CDK14: variants seen among roughly 807,000 people sequenced by gnomAD.
The protein encoded by CDK14 is cyclin-dependent kinase 14.
A neutral mutation model predicts 60.7 loss-of-function variants in CDK14; 34 were observed. That is an observed-to-expected ratio of 0.56 (90% CI 0.43 to 0.75). CDK14 has a LOEUF of 0.75. Among genes scored for constraint, CDK14 ranks in the 30% least tolerant of loss-of-function variants. The pLI, the probability that CDK14 is intolerant of heterozygous loss-of-function variation, is 0.00. For synonymous variants in CDK14, 197 were observed against 203.7 expected (o/e 0.97, Z 0.28); for missense variants, 482 against 564.1 (o/e 0.85, Z 1.47).
At position 91,152,222 on chromosome 7, in the gene CDK14, G is replaced by A. The variant is rs574842581; in HGVS notation, c.*28+34014G>A. Reference sequence around the variant, plus strand: ...TTAAGAGTAATTTAGAATAGAGTGGGGAAGCATACCAACTAGAATTACCAC... The same window carrying A: ...TTAAGAGTAATTTAGAATAGAGTGGAGAAGCATACCAACTAGAATTACCAC... On this transcript the variant is annotated intron_variant, in intron 14 of 14. Transcript: ENST00000380050. Among the ~76,000 whole-genome samples, 15 of 152,174 alleles carry A rather than the reference G, an allele frequency of 9.9e-5. No individual in the cohort carries two copies. In the South Asian group the frequency reaches 3.1e-3, roughly 32 times the overall value.
intron 2 of CDK14, among the ~76,000 whole-genome samples, chr7:90,649,293 T>C (rs866069751): frequency 2.0e-4 from 14 of 68,560 alleles, no homozygotes; most frequent in South Asian, 6.6e-4. Flanking sequence ...TCTTTCTTTC[T>C]TTCTTTCTTT....
At chr7:90,725,856 G>C (rs1367914444) in intron 2 of CDK14, among the ~76,000 whole-genome samples, 1 of 152,100 alleles carries the variant, frequency 6.6e-6, no homozygotes, top group Non-Finnish European at 1.5e-5. Flanking sequence ...AATGGGTGAA[G>C]AAGGAAGAAG....
chr7:90,891,418 A>G (rs1792121376), intron 6 of CDK14, among the ~76,000 whole-genome samples: 1 of 152,220 alleles, frequency 6.6e-6, no homozygotes, highest in South Asian at 2.1e-4. Flanking sequence ...AATATAACAA[A>G]TTTGGTGTTT....
At chr7:90,870,386 A>G (rs1431508642) in intron 6 of CDK14, among the ~76,000 whole-genome samples, 2 of 152,164 alleles carry the variant, frequency 1.3e-5, no homozygotes, top group African/African-American at 4.8e-5. Context: ...AAAATAACTA[A>G]TGGATACTAG....
At position 91,185,448 on chromosome 7, in the gene CDK14, T is replaced by A. The variant is rs114994895; in HGVS notation, c.*29-21717T>A. 4.0e-3 allele frequency among the ~76,000 whole-genome samples: 616 copies of A among 152,146 alleles called. 5 individuals are homozygous for A. Among genetic ancestry groups the A allele is most frequent in the African/African-American group, 0.014 (587 of 41,516 alleles). The stretch of plus-strand genomic sequence containing the variant: ...ATGCAAAAACAATAGAACTACACAA[T>A]ATAAAGAGGACATACCTCATAATCT... On this transcript the variant is annotated intron_variant, in intron 14 of 14. Transcript: ENST00000380050.
At chr7:91,173,443 T>C (rs803177) in intron 14 of CDK14, among the ~76,000 whole-genome samples, 9 of 150,694 alleles carry the variant, frequency 6.0e-5, no homozygotes, top group South Asian at 2.1e-4. Flanking sequence ...AAAAAAAAGG[T>C]GGGGAGGAGC....
intron 5 of CDK14, among the ~76,000 whole-genome samples, chr7:90,845,999 C>T (rs1345842891): frequency 1.3e-5 from 2 of 151,990 alleles, no homozygotes; most frequent in Non-Finnish European, 2.9e-5. Context: ...ACTCTCCTGT[C>T]TTTTTTTATA....
At position 91,019,012 on chromosome 7, in the gene CDK14, T is replaced by TAGCCTGTGAATTAGCCTGTGAA. The variant is rs1408440733; in HGVS notation, c.1042-26885_1042-26884insAGCCTGTGAATTAGCCTGTGAA. Among the ~76,000 whole-genome samples the TAGCCTGTGAATTAGCCTGTGAA allele has an allele frequency of 3.3e-4, 51 of 152,298 alleles. No individual in the cohort carries two copies. In the East Asian group the frequency reaches 8.7e-3, roughly 26 times the overall value. On this transcript the variant is annotated intron_variant, in intron 10 of 14. Transcript: ENST00000380050. ...AATACCATCACATTGGGGATTAGGT[T>TAGCCTGTGAATTAGCCTGTGAA]TTAGCCTGTGAATTCTGGGGGGACA...
At chr7:91,047,433 G>A (rs995425115) in intron 11 of CDK14, among the ~76,000 whole-genome samples, 2 of 152,184 alleles carry the variant, frequency 1.3e-5, no homozygotes, top group South Asian at 2.1e-4. Flanking sequence ...TGGAAAGTAC[G>A]AGGATGTGGT....
intron 5 of CDK14, among the ~76,000 whole-genome samples, chr7:90,853,420 G>GT (rs1790713716): frequency 6.6e-6 from 1 of 151,918 alleles, no homozygotes; most frequent in African/African-American, 2.4e-5. Flanking sequence ...AAAAGACAAA[G>GT]ACAGACACTA....
intron 4 of CDK14, among the ~76,000 whole-genome samples, chr7:90,751,486 C>T (rs1803844286): frequency 6.6e-6 from 1 of 151,852 alleles, no homozygotes; most frequent in African/African-American, 2.4e-5. Flanking sequence ...AATTTCTTAC[C>T]ACTAGATCAG....
chr7:90,697,702 C>T (rs562290550), intron 2 of CDK14, among the ~76,000 whole-genome samples: 1 of 152,234 alleles, frequency 6.6e-6, no homozygotes, highest in Admixed American at 6.5e-5. Flanking sequence ...TTCTGTTACT[C>T]TAATTCTTGT....
chr7:91,036,113 G>T (rs560186219), intron 10 of CDK14, among the ~76,000 whole-genome samples: 26 of 152,312 alleles, frequency 1.7e-4, no homozygotes, highest in Admixed American at 1.5e-3. Context: ...AAAGTGCTGG[G>T]ATTATAGGCG....
chr7:91,141,236 C>T lies in CDK14; in HGVS notation c.*28+23028C>T, dbSNP rs553409044. Among the ~76,000 whole-genome samples the T allele has an allele frequency of 1.2e-4, 19 of 152,240 alleles. No homozygotes were observed. The East Asian group carries it at 2.3e-3, about 19-fold the overall frequency. ...TCAGTAGGGGGCCATTCCAGAAAAT[C>T]GTCAGTGTGACGTAGTCATGTAGTT... On this transcript the variant is annotated intron_variant, in intron 14 of 14. Transcript: ENST00000380050.
intron 8 of CDK14, among the ~76,000 whole-genome samples, chr7:90,924,703 AT>A (rs890440297): frequency 3.3e-5 from 5 of 149,994 alleles, no homozygotes; most frequent in Non-Finnish European, 3.0e-5. Context: ...CTGGTTAGAC[AT>A]TTTTTTTTTA....
chr7:90,969,298 A>G (rs1035964400), intron 9 of CDK14, among the ~76,000 whole-genome samples: 1 of 152,172 alleles, frequency 6.6e-6, no homozygotes, highest in African/African-American at 2.4e-5. Context: ...TAGCTATGCC[A>G]TTTGATGACT....
At position 90,810,078 on chromosome 7, in the gene CDK14, C is replaced by G. The variant is rs1789027384; in HGVS notation, c.544+19426C>G. Among the ~76,000 whole-genome samples the G allele has an allele frequency of 2.0e-5, 3 of 152,276 alleles. No individual in the cohort carries two copies. The South Asian group carries it at 6.2e-4, about 32-fold the overall frequency. ...TGGTACCATTCCTTCTGAAACTATT[C>G]CAATCAATAGAAAAAGAGGAAATCC... On this transcript the variant is annotated intron_variant, in intron 5 of 14. Coordinates refer to ENST00000380050, the MANE Select transcript of CDK14 (RefSeq NM_001287135.2).
intron 10 of CDK14, among the ~76,000 whole-genome samples, chr7:91,006,246 G>A (rs1424916647): frequency 6.6e-6 from 1 of 152,212 alleles, no homozygotes; most frequent in Non-Finnish European, 1.5e-5. Context: ...AAGAATATAA[G>A]TTTCCATTGA....
intron 2 of CDK14, among the ~76,000 whole-genome samples, chr7:90,630,564 T>C (rs1368636373): frequency 2.0e-5 from 3 of 152,202 alleles, no homozygotes; most frequent in South Asian, 2.1e-4. Context: ...TTTGACTTAT[T>C]AGCAACATTA....
Sources: gnomAD v4.1 joint callset for allele counts (sites outside exome capture counted in the v4.1 genomes callset) on GRCh38, gnomAD v4.1.1 for gene constraint, MANE v1.5 for transcripts, NCBI Gene and HGNC (gene_info 2026-07-23, HGNC 2026-07-21) for gene names.